Variants in AP3S1 observed in about 807,000 individuals in gnomAD.
AP3S1 encodes the protein adaptor related protein complex 3 subunit sigma 1.
AP3S1 carries 12 observed loss-of-function variants against 21.3 expected under a neutral mutation model. That is an observed-to-expected ratio of 0.56 (90% CI 0.36 to 0.91). The LOEUF (loss-of-function observed/expected upper bound fraction) is 0.91, where lower values mean the gene tolerates loss of function less well. Among genes scored for constraint, AP3S1 ranks in the 40% least tolerant of loss-of-function variants. The pLI is 0.01. For synonymous variants in AP3S1, 48 were observed against 78.4 expected (o/e 0.61, Z 2.05); for missense variants, 116 against 225.0 (o/e 0.52, Z 3.10).
chr5:115,885,129 T>C (rs866708913), intron 3 of AP3S1, among the ~76,000 whole-genome samples: 6 of 152,236 alleles, frequency 3.9e-5, no homozygotes, highest in African/African-American at 1.4e-4. Flanking sequence ...ATCTTCCTCC[T>C]GGTTCCAAAG....
At chr5:115,847,322 A>T (rs1422874449) in intron 1 of AP3S1, among the ~76,000 whole-genome samples, 3 of 152,194 alleles carry the variant, frequency 2.0e-5, no homozygotes, top group African/African-American at 4.8e-5. Flanking sequence ...TTTTAAAAAA[A>T]TATTTATTTT....
chr5:115,869,424 T>G (rs1001582033), intron 2 of AP3S1, among the ~76,000 whole-genome samples: 1 of 152,196 alleles, frequency 6.6e-6, no homozygotes, highest in African/African-American at 2.4e-5. Flanking sequence ...CCCCATGATC[T>G]AATTTCCGCC....
At chr5:115,893,904 C>T (rs1750531419) in intron 3 of AP3S1, among the ~76,000 whole-genome samples, 1 of 152,026 alleles carries the variant, frequency 6.6e-6, no homozygotes, top group Admixed American at 6.6e-5. Flanking sequence ...TACATGGTCC[C>T]TTTATCTTAA....
At chr5:115,899,911 G>C (rs1404977317) in intron 4 of AP3S1, among the ~76,000 whole-genome samples, 1 of 151,974 alleles carries the variant, frequency 6.6e-6, no homozygotes, top group African/African-American at 2.4e-5. Flanking sequence ...CAGTGGTCTA[G>C]AAAACTTGAT....
Position 115,870,054 on chromosome 5 carries a change from C to T in AP3S1, c.199C>T (p.His67Tyr). The change falls in exon 3 of 6, where the codon CAT (histidine) becomes TAT (tyrosine). Residue 67 changes from histidine (H) to tyrosine (Y), a missense_variant. Around this residue, in one of 3 missense-constraint regions of AP3S1, gnomAD observed 65 missense variants for 148.2 expected, o/e 0.44. Transcript: ENST00000316788. The part of the protein sequence containing the change: ...GGSDNKLIYR[H>Y]YATLYFVFCV... ...ATCTGACAACAAACTGATTTATAGA[C>T]ATTATGCAACGTTATATTTTGTCTT... 6.2e-7 allele frequency: 1 copy of T among 1,608,144 alleles called. No homozygotes were observed. Among genetic ancestry groups the T allele is most frequent in the African/African-American group, 1.3e-5 (1 of 74,754 alleles).
chr5:115,908,973 C>A (rs1751881246), intron 5 of AP3S1: 2 of 983,882 alleles, frequency 2.0e-6, no homozygotes, highest in Non-Finnish European at 2.4e-6. Flanking sequence ...TTTCACTTTG[C>A]TGTTAGGTCA....
intron 1 of AP3S1, among the ~76,000 whole-genome samples, chr5:115,866,313 T>C (rs557381155): frequency 6.6e-6 from 1 of 152,224 alleles, no homozygotes; most frequent in Admixed American, 6.5e-5. Flanking sequence ...ATTTATATCT[T>C]TACCTTTCTG....
At chr5:115,858,657 A>G (rs1580633847) in intron 1 of AP3S1, among the ~76,000 whole-genome samples, 1 of 150,582 alleles carries the variant, frequency 6.6e-6, no homozygotes, top group Admixed American at 6.6e-5. Context: ...TTTCTCTTTC[A>G]TTTTCTATCT....
chr5:115,860,806 C>T (rs1283974563), intron 1 of AP3S1, among the ~76,000 whole-genome samples: 2 of 152,138 alleles, frequency 1.3e-5, no homozygotes, highest in Non-Finnish European at 2.9e-5. Flanking sequence ...GGGGTTTGGG[C>T]AGGCAACAAA....
chr5:115,893,484 A>G (rs1750493770), intron 3 of AP3S1, among the ~76,000 whole-genome samples: 1 of 152,224 alleles, frequency 6.6e-6, no homozygotes, highest in Admixed American at 6.5e-5. Flanking sequence ...CATCGATAGT[A>G]AACTATTAGT....
chr5:115,875,087 G>A (rs899599815), intron 3 of AP3S1, among the ~76,000 whole-genome samples: 4 of 151,996 alleles, frequency 2.6e-5, no homozygotes, highest in African/African-American at 9.7e-5. Context: ...GCATATATTT[G>A]TAAGAAAGGC....
In AP3S1 at chr5:115,869,998, C is replaced by A; in HGVS notation, c.162-19C>A. 1 of 1,177,896 alleles carries A rather than the reference C, an allele frequency of 8.5e-7. No individual in the cohort carries two copies. The highest frequency in any genetic ancestry group is 1.2e-6 in the Non-Finnish European group (1 of 823,110). 73.0% of individuals were successfully genotyped at this position (1,177,896 alleles called of 1,614,324 possible). ...TCGCATTTTGTTTCCAATAACATTACAATTTTTTTGTCATTTAGATTAATT... is the reference window on the plus strand; with the variant it reads ...TCGCATTTTGTTTCCAATAACATTAAAATTTTTTTGTCATTTAGATTAATT... On this transcript the variant is annotated intron_variant, in intron 2 of 5. Coordinates refer to ENST00000316788, the MANE Select transcript of AP3S1 (RefSeq NM_001284.4).
chr5:115,882,654 C>T (rs537006031), intron 3 of AP3S1, among the ~76,000 whole-genome samples: 30 of 152,240 alleles, frequency 2.0e-4, no homozygotes, highest in Admixed American at 1.2e-3. Flanking sequence ...TGGGAGGTGT[C>T]TCCCAGTTAG....
chr5:115,865,448 A>G (rs188185100), intron 1 of AP3S1, among the ~76,000 whole-genome samples: 1 of 152,278 alleles, frequency 6.6e-6, no homozygotes, highest in East Asian at 1.9e-4. Flanking sequence ...GCCAATGTGC[A>G]ATTGTTTTTG....
chr5:115,908,322 T>C (rs1751826114), intron 5 of AP3S1, among the ~76,000 whole-genome samples: 1 of 152,172 alleles, frequency 6.6e-6, no homozygotes, highest in Admixed American at 6.5e-5. Context: ...TTGGGTCTGT[T>C]AACTTTATTG....
intron 4 of AP3S1, among the ~76,000 whole-genome samples, chr5:115,895,694 TA>T (rs1445276394): frequency 6.6e-6 from 1 of 152,236 alleles, no homozygotes; most frequent in African/African-American, 2.4e-5. Flanking sequence ...TTTGTTTGTA[TA>T]TTTTTTTGAT....
At chr5:115,873,722 G>T (rs928297568) in intron 3 of AP3S1, among the ~76,000 whole-genome samples, 1 of 152,070 alleles carries the variant, frequency 6.6e-6, no homozygotes, top group East Asian at 1.9e-4. Context: ...TATTCAGAGA[G>T]AACTGATTTT....
chr5:115,884,119 A>G (rs1046157788), intron 3 of AP3S1, among the ~76,000 whole-genome samples: 5 of 152,160 alleles, frequency 3.3e-5, no homozygotes, highest in Non-Finnish European at 5.9e-5. Context: ...GCTGAGATCT[A>G]TTAATGTGGT....
chr5:115,868,347 T>C (rs1747881515), intron 2 of AP3S1, among the ~76,000 whole-genome samples: 1 of 152,184 alleles, frequency 6.6e-6, no homozygotes, highest in African/African-American at 2.4e-5. Flanking sequence ...TGTGTTCTTT[T>C]TGCCTCTTTC....
Sources: allele counts gnomAD v4.1 joint callset (sites outside exome capture counted in the v4.1 genomes callset), GRCh38; gene constraint gnomAD v4.1.1; regional missense constraint gnomAD v4.1.1; transcripts MANE v1.5; gene names NCBI Gene and HGNC (gene_info 2026-07-23, HGNC 2026-07-21).